Variants in RPAP2 observed in about 807,000 individuals in gnomAD.
RPAP2 encodes the protein putative RNA polymerase II subunit B1 CTD phosphatase RPAP2.
Under a neutral mutation model 73.1 loss-of-function variants are expected in RPAP2, and 52 were observed. The ratio of observed to expected loss-of-function variants is 0.71; its 90% confidence interval spans 0.57 to 0.90. The LOEUF (loss-of-function observed/expected upper bound fraction) is 0.90, where lower values mean the gene tolerates loss of function less well. Ranked by LOEUF, RPAP2 falls within the 40% of genes least tolerant of loss-of-function variation. The probability of loss-of-function intolerance (pLI) is 0.00; values close to 1 mark genes in which losing one functional copy is unlikely to be tolerated. For missense variants in RPAP2, 598 were observed against 701.8 expected, an observed-to-expected ratio of 0.85 and a Z score of 1.67; for synonymous variants, 225 against 242.1, an observed-to-expected ratio of 0.93 and a Z score of 0.65.
rs180909920 is a variant in RPAP2, at chr1:92,327,291, A to G, written c.1455+2916A>G. Reference sequence around the variant, plus strand: ...CCCCACTATTATTGTGTTGCTTTCTATCTCATTTCCTAGGTCTCGTAGTAA... The same window carrying G: ...CCCCACTATTATTGTGTTGCTTTCTGTCTCATTTCCTAGGTCTCGTAGTAA... On this transcript the variant is annotated intron_variant, in intron 8 of 12. Transcript: ENST00000610020. 3.4e-3 allele frequency among the ~76,000 whole-genome samples: 524 copies of G among 151,886 alleles called. 2 individuals are homozygous for G. The highest frequency in any genetic ancestry group is 6.8e-3 in the Middle Eastern group (2 of 294).
rs973171224 is a variant in RPAP2 at position 92,401,585 on chromosome 1, A to C, written c.*14574A>C. 3.9e-5 allele frequency: 6 copies of C among 152,240 alleles called. No homozygotes were observed. The highest frequency in any genetic ancestry group is 7.3e-5 in the Non-Finnish European group (5 of 68,050). The allele number at this position is 152,240 out of a possible 1,614,324, so 9.4% of individuals were successfully genotyped here. The stretch of plus-strand genomic sequence containing the variant: ...AATACTGGATATAAGTGGTGAAAGC[A>C]CATATCCTCCCCTTGTTCCTAATTT... On this transcript the variant is annotated 3_prime_UTR_variant, in exon 13 of 13. Coordinates refer to ENST00000610020, the MANE Select transcript of RPAP2 (RefSeq NM_024813.3).
At chr1:92,309,493 T>C (rs1224966874) in intron 6 of RPAP2, among the ~76,000 whole-genome samples, 1 of 152,014 alleles carries the variant, frequency 6.6e-6, no homozygotes, top group Non-Finnish European at 1.5e-5. Flanking sequence ...CAACTTAATT[T>C]ACATTTAAAT....
intron 11 of RPAP2, among the ~76,000 whole-genome samples, chr1:92,362,107 CAT>C (rs1654757587): frequency 6.6e-6 from 1 of 152,154 alleles, no homozygotes; most frequent in Non-Finnish European, 1.5e-5. Context: ...TATTTTAAAA[CAT>C]AGCCTTGCAA....
At position 92,324,021 on chromosome 1, in the gene RPAP2, T is replaced by TA; in HGVS notation, c.1104dup (p.Val369SerfsTer8). ...CTGAAGTTGGAAAGAGAAACTTACTTAAAGTTTTGAAGGAGACTTTGATTG... is the reference window on the plus strand; with the variant it reads ...CTGAAGTTGGAAAGAGAAACTTACTTAAAAGTTTTGAAGGAGACTTTGATTG... On this transcript the variant is annotated frameshift_variant, in exon 8 of 13. Coordinates refer to ENST00000610020, the MANE Select transcript of RPAP2 (RefSeq NM_024813.3). LOFTEE classifies it high-confidence loss of function. The TA allele has an allele frequency of 6.2e-7, 1 of 1,613,938 alleles. No individual in the cohort carries two copies. Among genetic ancestry groups the TA allele is most frequent in the Non-Finnish European group, 8.5e-7 (1 of 1,179,894 alleles).
intron 11 of RPAP2, among the ~76,000 whole-genome samples, chr1:92,371,304 C>CAA (rs1304166097): frequency 4.2e-4 from 38 of 90,494 alleles, no homozygotes; most frequent in Middle Eastern, 5.7e-3. Context: ...GTCTCTGTCT[C>CAA]AAAAAAAAAA....
Position 92,304,322 on chromosome 1 carries a change from TA to T in RPAP2, c.375del (p.Val126SerfsTer45). The T allele has an allele frequency of 6.6e-7, 1 of 1,523,504 alleles. No individual in the cohort carries two copies. The highest frequency in any genetic ancestry group is 9.0e-7 in the Non-Finnish European group (1 of 1,108,774). 94.4% of individuals were successfully genotyped at this position (1,523,504 alleles called of 1,614,324 possible). ...QKYKISTKTN[K>X]VYDITERKSF... ...AATATAAAATTTCTACCAAAACCAA[TA>T]AAGTCTATGATATTACTGAAAGAAA... On this transcript the variant is annotated frameshift_variant, in exon 5 of 13. Transcript: ENST00000610020. LOFTEE classifies it high-confidence loss of function.
intron 3 of RPAP2, among the ~76,000 whole-genome samples, chr1:92,303,346 C>T (rs1029278148): frequency 9.2e-5 from 14 of 152,146 alleles, no homozygotes; most frequent in African/African-American, 2.7e-4. Context: ...GTATTTCTGT[C>T]TCTGTGAAAA....
intron 8 of RPAP2, among the ~76,000 whole-genome samples, chr1:92,327,513 T>G (rs999684870): frequency 2.6e-5 from 4 of 152,208 alleles, no homozygotes; most frequent in African/African-American, 9.6e-5. Flanking sequence ...ATGGAATATG[T>G]TTTTCCACCC....
chr1:92,370,623 G>C (rs1655108193), intron 11 of RPAP2, among the ~76,000 whole-genome samples: 1 of 151,414 alleles, frequency 6.6e-6, no homozygotes, highest in Non-Finnish European at 1.5e-5. Context: ...AATCATGTAG[G>C]TAGTTTATTA....
rs564545893 is a variant in RPAP2, at chr1:92,330,163, C to A, written c.1456-3228C>A. On this transcript the variant is annotated intron_variant, in intron 8 of 12. Transcript: ENST00000610020. ...GATAAAAGCCAGAGAGCAAGGAAGC[C>A]CATTGATGCAGCCCATACAGATCAG... 5.6e-4 allele frequency among the ~76,000 whole-genome samples: 85 copies of A among 152,270 alleles called. 1 individual carries two copies. Among genetic ancestry groups the A allele is most frequent in the African/African-American group, 1.9e-3 (81 of 41,544 alleles).
chr1:92,321,135 A>G (rs1652230840), intron 7 of RPAP2, among the ~76,000 whole-genome samples: 1 of 152,206 alleles, frequency 6.6e-6, no homozygotes, highest in Non-Finnish European at 1.5e-5. Flanking sequence ...CTTAACTCTC[A>G]GAATAAATGT....
chr1:92,324,964 G>A lies in RPAP2; in HGVS notation c.1455+589G>A, dbSNP rs556652781. Among the ~76,000 whole-genome samples the A allele has an allele frequency of 2.8e-4, 42 of 152,220 alleles. 1 individual carries two copies. In the South Asian group the frequency reaches 8.3e-3, roughly 30 times the overall value. ...GAAAAATTAGTTTCTTGGTCTGTTTGCTCATCTGTAAATGGAACTATTAAT... is the reference window on the plus strand; with the variant it reads ...GAAAAATTAGTTTCTTGGTCTGTTTACTCATCTGTAAATGGAACTATTAAT... On this transcript the variant is annotated intron_variant, in intron 8 of 12. Coordinates refer to ENST00000610020, the MANE Select transcript of RPAP2 (RefSeq NM_024813.3).
chr1:92,329,303 C>T (rs1359308186), intron 8 of RPAP2, among the ~76,000 whole-genome samples: 2 of 152,110 alleles, frequency 1.3e-5, no homozygotes, highest in African/African-American at 4.8e-5. Flanking sequence ...ATTCCCAGGC[C>T]AATGGAGTTA....
intron 11 of RPAP2, 57 bp downstream of exon 11, chr1:92,345,971 G>A: frequency 8.2e-7 from 1 of 1,225,016 alleles, no homozygotes; most frequent in Non-Finnish European, 1.2e-6. Context: ...TATTGATTAG[G>A]GAAAAACAAA....
chr1:92,335,663 C>T (rs1453166781), intron 9 of RPAP2, among the ~76,000 whole-genome samples: 1 of 151,980 alleles, frequency 6.6e-6, no homozygotes, highest in Non-Finnish European at 1.5e-5. Context: ...ATACTATGTA[C>T]ATTTTTCACT....
At chr1:92,303,465 C>T (rs920239303) in intron 3 of RPAP2, among the ~76,000 whole-genome samples, 1 of 152,146 alleles carries the variant, frequency 6.6e-6, no homozygotes, top group Non-Finnish European at 1.5e-5. Flanking sequence ...CATCACCTCA[C>T]CACTCTGTAC....
intron 3 of RPAP2, among the ~76,000 whole-genome samples, chr1:92,302,727 G>A (rs897329582): frequency 1.5e-4 from 22 of 146,302 alleles, no homozygotes; most frequent in Middle Eastern, 3.6e-3. Context: ...TCAGCCTCCC[G>A]AGTAGCTGGG....
chr1:92,372,355 C>T (rs548017457), intron 11 of RPAP2, among the ~76,000 whole-genome samples: 2 of 152,320 alleles, frequency 1.3e-5, no homozygotes, highest in Admixed American at 6.5e-5. Context: ...TTAAAGCTAA[C>T]GCCTAAGCCT....
chr1:92,359,086 C>T (rs1654619954), intron 11 of RPAP2, among the ~76,000 whole-genome samples: 1 of 152,086 alleles, frequency 6.6e-6, no homozygotes, highest in Admixed American at 6.6e-5. Flanking sequence ...TTCTCAAAGC[C>T]TCTACTAGTA....
Sources: gnomAD v4.1 joint callset for allele counts (sites outside exome capture counted in the v4.1 genomes callset) on GRCh38, gnomAD v4.1.1 for gene constraint, MANE v1.5 for transcripts, NCBI Gene and HGNC (gene_info 2026-07-23, HGNC 2026-07-21) for gene names.